The following CLSTN2 variants were observed in gnomAD, a reference collection of about 807,000 sequenced individuals.
CLSTN2 encodes calsyntenin 2, also known as calsyntenin-2.
In CLSTN2, 48 loss-of-function variants were observed where a neutral mutation model predicts 101.2. The observed-to-expected ratio is 0.47, with a 90% CI of 0.38 to 0.60. The LOEUF (loss-of-function observed/expected upper bound fraction) is 0.60. CLSTN2 is among the 20% of genes least tolerant of loss of function. The pLI, the probability that CLSTN2 is intolerant of heterozygous loss-of-function variation, is 0.00. For synonymous variants in CLSTN2, 481 were observed against 463.6 expected (o/e 1.04, Z -0.48); for missense variants, 1,160 against 1,238.2 (o/e 0.94, Z 0.95).
chr3:140,536,042 G>A lies in CLSTN2; in HGVS notation c.1507+3556G>A, dbSNP rs962314542. ...TTTTAAAAACACACAAGAATGCTGC[G>A]TTCCCCTTACTAATCTTTTATTATG... is the stretch of plus-strand genomic sequence containing the variant. On this transcript the variant is annotated intron_variant, in intron 9 of 16. Coordinates refer to ENST00000458420, the MANE Select transcript of CLSTN2 (RefSeq NM_022131.3). Among the ~76,000 whole-genome samples, 13 of 141,290 alleles carry A rather than the reference G, an allele frequency of 9.2e-5. 1 individual carries two copies. The highest frequency in any genetic ancestry group is 7.1e-4 in the South Asian group (3 of 4,250). The allele number at this position is 141,290 out of a possible 152,430, so 92.7% of individuals were successfully genotyped here.
rs558690823 is a variant in CLSTN2, at chr3:140,387,979, C to A, written c.233-15650C>A. 1.1e-4 allele frequency among the ~76,000 whole-genome samples: 16 copies of A among 152,352 alleles called. No homozygotes were observed. In the South Asian group the frequency reaches 3.1e-3, roughly 30 times the overall value. On this transcript the variant is annotated intron_variant, in intron 2 of 16. Transcript: ENST00000458420. ...TTCTCCCTATTGAAGGGACTGGGTT[C>A]TATTCCTTGCTGTATAATTTGGTGG...
chr3:140,188,026 C>T (rs2010507396), intron 2 of CLSTN2, among the ~76,000 whole-genome samples: 2 of 152,154 alleles, frequency 1.3e-5, no homozygotes, highest in African/African-American at 4.8e-5. Context: ...TCTCCTCTGG[C>T]CCAGCACTTG....
At chr3:140,424,524 C>T (rs756611730) in intron 5 of CLSTN2, among the ~76,000 whole-genome samples, 1 of 152,200 alleles carries the variant, frequency 6.6e-6, no homozygotes, top group Non-Finnish European at 1.5e-5. Context: ...TGGAAGTTCA[C>T]CTTTCTCCAG....
At chr3:140,092,548 A>G (rs1397517919) in intron 1 of CLSTN2, among the ~76,000 whole-genome samples, 2 of 152,116 alleles carry the variant, frequency 1.3e-5, no homozygotes, top group African/African-American at 4.8e-5. Context: ...CCCACTGATG[A>G]GGTCTTTCTT....
chr3:140,191,221 T>C (rs1237623612), intron 2 of CLSTN2, among the ~76,000 whole-genome samples: 1 of 152,062 alleles, frequency 6.6e-6, no homozygotes, highest in Admixed American at 6.6e-5. Flanking sequence ...CACTGATTGA[T>C]TTTCAAATGT....
intron 1 of CLSTN2, among the ~76,000 whole-genome samples, chr3:140,047,568 A>T (rs2007905652): frequency 6.6e-6 from 1 of 152,164 alleles, no homozygotes; most frequent in South Asian, 2.1e-4. Flanking sequence ...AAACTGGTTA[A>T]TTTATAAAGA....
intron 2 of CLSTN2, among the ~76,000 whole-genome samples, chr3:140,328,994 C>G (rs7630996): frequency 6.6e-6 from 1 of 151,978 alleles, no homozygotes; most frequent in East Asian, 1.9e-4. Context: ...CTTGGTTTCT[C>G]TATCAATTTG....
At chr3:140,244,740 G>A (rs1258192736) in intron 2 of CLSTN2, among the ~76,000 whole-genome samples, 1 of 152,078 alleles carries the variant, frequency 6.6e-6, no homozygotes, top group Non-Finnish European at 1.5e-5. Flanking sequence ...CTTTTTATTT[G>A]TGTTAATACC....
intron 4 of CLSTN2, among the ~76,000 whole-genome samples, chr3:140,416,447 A>G (rs780794818): frequency 7.2e-5 from 11 of 152,212 alleles, no homozygotes; most frequent in Non-Finnish European, 1.3e-4. Flanking sequence ...TGATCATGGT[A>G]GTTATTTAGT....
chr3:139,965,321 T>C (rs79816267), intron 1 of CLSTN2, among the ~76,000 whole-genome samples: 1,727 of 152,288 alleles, frequency 0.011, 33 homozygotes, highest in African/African-American at 0.038. Context: ...TTTTGCAGTG[T>C]CTCAGAGGAA....
At chr3:140,312,800 TA>T (rs1001305614) in intron 2 of CLSTN2, among the ~76,000 whole-genome samples, 28 of 152,316 alleles carry the variant, frequency 1.8e-4, no homozygotes, top group Admixed American at 5.2e-4. Context: ...AGTCTGACAG[TA>T]GTTACATGGG....
chr3:140,360,481 T>A (rs965680959), intron 2 of CLSTN2, among the ~76,000 whole-genome samples: 1 of 152,214 alleles, frequency 6.6e-6, no homozygotes, highest in African/African-American at 2.4e-5. Context: ...TCAAAGGAGT[T>A]GTCATTTGAA....
intron 2 of CLSTN2, among the ~76,000 whole-genome samples, chr3:140,283,283 T>G (rs944376798): frequency 6.6e-6 from 1 of 152,170 alleles, no homozygotes; most frequent in Non-Finnish European, 1.5e-5. Context: ...ATTAATCAGA[T>G]GAAATTTGGT....
intron 1 of CLSTN2, among the ~76,000 whole-genome samples, chr3:140,012,190 G>A (rs1214187237): frequency 6.6e-6 from 1 of 152,034 alleles, no homozygotes; most frequent in East Asian, 1.9e-4. Context: ...TGCTCAAAAA[G>A]CACTTGCAAG....
At chr3:140,002,517 T>C (rs1192708337) in intron 1 of CLSTN2, among the ~76,000 whole-genome samples, 1 of 152,200 alleles carries the variant, frequency 6.6e-6, no homozygotes, top group African/African-American at 2.4e-5. Context: ...GGTTGTCTCT[T>C]CATTTTGTTT....
chr3:139,971,744 G>C (rs939239545), intron 1 of CLSTN2, among the ~76,000 whole-genome samples: 1 of 152,182 alleles, frequency 6.6e-6, no homozygotes, highest in Non-Finnish European at 1.5e-5. Flanking sequence ...ACAGAGAATG[G>C]GACAAGACAG....
At chr3:140,167,917 A>AT (rs1463412368) in intron 1 of CLSTN2, among the ~76,000 whole-genome samples, 6 of 152,112 alleles carry the variant, frequency 3.9e-5, no homozygotes, top group African/African-American at 1.4e-4. Context: ...GTGGGTGTCC[A>AT]TTATCTGGAT....
At chr3:140,446,470 A>G (rs1414397716) in intron 5 of CLSTN2, among the ~76,000 whole-genome samples, 1 of 152,164 alleles carries the variant, frequency 6.6e-6, no homozygotes, top group African/African-American at 2.4e-5. Flanking sequence ...AGCTAAACTC[A>G]GATTGCAAAG....
intron 1 of CLSTN2, among the ~76,000 whole-genome samples, chr3:139,991,465 G>A (rs985113608): frequency 2.6e-5 from 4 of 152,088 alleles, no homozygotes; most frequent in South Asian, 2.1e-4. Context: ...AGCAGTTCCC[G>A]AGAAACCAAA....
Sources: allele counts gnomAD v4.1 joint callset (sites outside exome capture counted in the v4.1 genomes callset), GRCh38; gene constraint gnomAD v4.1.1; transcripts MANE v1.5; gene names NCBI Gene and HGNC (gene_info 2026-07-23, HGNC 2026-07-21).